Variants in CACNA1G observed in about 807,000 individuals in gnomAD.
The protein encoded by CACNA1G is voltage-dependent T-type calcium channel subunit alpha-1G.
CACNA1G carries 67 observed loss-of-function variants against 219.4 expected under a neutral mutation model. The observed-to-expected ratio is 0.31, with a 90% CI of 0.25 to 0.37. The LOEUF (loss-of-function observed/expected upper bound fraction) is 0.37. CACNA1G is among the 10% of genes least tolerant of loss of function. CACNA1G has a pLI of 1.00. For synonymous variants in CACNA1G, 1,296 were observed against 1,345.3 expected (o/e 0.96, Z 0.80); for missense variants, 2,380 against 3,231.4 (o/e 0.74, Z 6.39).
chr17:50,606,077 A>G (rs1464611242), intron 23 of CACNA1G, 54 bp downstream of exon 23: 4 of 1,612,540 alleles, frequency 2.5e-6, no homozygotes, highest in Admixed American at 1.7e-5. Context: ...GAGGGGGCAC[A>G]GGGCCATGCT....
rs1410615954 is a variant in CACNA1G at position 50,604,247 on chromosome 17, CCTT to C, written c.4267_4269del (p.Phe1423del). The C allele has an allele frequency of 6.2e-7, 1 of 1,613,702 alleles. No homozygotes were observed. The highest frequency in any genetic ancestry group is 8.5e-7 in the Non-Finnish European group (1 of 1,179,654). ...GGCAACATTGTAGTCATCTGCTGTG[CCTT>C]CTTCATCATTTTCGGCATCTTGGGG... On this transcript the variant is annotated inframe_deletion, in exon 22 of 38. Coordinates refer to ENST00000359106, the MANE Select transcript of CACNA1G (RefSeq NM_018896.5).
intron 4 of CACNA1G, 71 bp downstream of exon 4, chr17:50,569,874 C>T (rs1567965599): frequency 2.6e-6 from 3 of 1,175,356 alleles, no homozygotes; most frequent in East Asian, 2.6e-5. Context: ...CAGACCCCAC[C>T]TCTACTACTG....
chr17:50,595,101 C>A, intron 14 of CACNA1G, 40 bp downstream of exon 14: 2 of 1,481,136 alleles, frequency 1.4e-6, no homozygotes, highest in African/African-American at 1.4e-5. Context: ...TCCCGTGCCC[C>A]ATGCCCGTGC....
At chr17:50,574,702 A>G (rs1340076062) in intron 7 of CACNA1G, among the ~76,000 whole-genome samples, 1 of 152,188 alleles carries the variant, frequency 6.6e-6, no homozygotes, top group Non-Finnish European at 1.5e-5. Flanking sequence ...GAATCACACT[A>G]GTGAAGCTAA....
chr17:50,571,761 C>G lies in CACNA1G; in HGVS notation c.587-117C>G. The G allele has an allele frequency of 1.2e-5, 12 of 994,322 alleles. No individual in the cohort carries two copies. The highest frequency in any genetic ancestry group is 7.4e-5 in the South Asian group (5 of 68,010). 61.6% of individuals were successfully genotyped at this position (994,322 alleles called of 1,614,324 possible). A position where few individuals can be genotyped will look rare whatever the true frequency, so the allele number is the denominator to read the frequency against. On this transcript the variant is annotated intron_variant, in intron 4 of 37. Transcript: ENST00000359106. The surrounding 1 kb of genome is among the most constrained non-coding windows in gnomAD (Gnocchi z 4.3). Reference sequence around the variant, plus strand: ...CTGTTGGTCTCCCCTCCAGCTTGAGCCGGGCCGTCTCAGCCTCAGAGTCCC... The same window carrying G: ...CTGTTGGTCTCCCCTCCAGCTTGAGGCGGGCCGTCTCAGCCTCAGAGTCCC...
chr17:50,561,750 G>A, intron 1 of CACNA1G, 49 bp downstream of exon 1: 6 of 1,291,754 alleles, frequency 4.6e-6, no homozygotes, highest in Non-Finnish European at 6.0e-6. Flanking sequence ...AGGGGGACGG[G>A]CCGCACCGCC....
At position 50,603,424 on chromosome 17, in the gene CACNA1G, T is replaced by C. The variant is rs903298608; in HGVS notation, c.4169+225T>C. On this transcript the variant is annotated intron_variant, in intron 21 of 37. Transcript: ENST00000359106. This position sits in a 1 kb window ranked among gnomAD's most constrained non-coding sequence, Gnocchi z 6.4. ...TGCTTTCCTCCTCTTCAACATGACA[T>C]ATTCCTCAGGGCCGCTGCACCATGT... Among the ~76,000 whole-genome samples, 5 of 152,098 alleles carry C rather than the reference T, an allele frequency of 3.3e-5. No homozygotes were observed. The highest frequency in any genetic ancestry group is 1.2e-4 in the African/African-American group (5 of 41,410).
chr17:50,624,324 T>TCCCCCCCCCCCCCCCCCCCCGCCCC, intron 36 of CACNA1G, 36 bp from the exon 37 acceptor site: 2 of 1,177,662 alleles, frequency 1.7e-6, no homozygotes, highest in Non-Finnish European at 1.2e-6. Context: ...CTCCATTCTC[T>TCCCCCCCCCCCCCCCCCCCCGCCCC]CCCCCCACCC....
In CACNA1G at chr17:50,576,132, C is replaced by G. The variant is rs2040595479; in HGVS notation, c.1730C>G (p.Ser577Cys). ...CAGGCGCCCCCTCCCAGGTCCCCAT[C>G]TGAGGCATCCGGCAGGACTGTGGGC... Reference protein sequence around the residue: ...RCQAPPPRSPSEASGRTVGSG... With the variant: ...RCQAPPPRSPCEASGRTVGSG... Residue 577 changes from serine (S) to cysteine (C), a missense_variant, in exon 8 of 38, where the codon TCT (serine) becomes TGT (cysteine). By Grantham distance (112) the Ser-to-Cys change is moderately radical. Transcript: ENST00000359106. 6.2e-7 allele frequency: 1 copy of G among 1,605,674 alleles called. No individual in the cohort carries two copies. The highest frequency in any genetic ancestry group is 1.7e-5 in the Admixed American group (1 of 59,208).
intron 13 of CACNA1G, among the ~76,000 whole-genome samples, chr17:50,592,755 C>A (rs1254515535): frequency 1.3e-5 from 2 of 152,158 alleles, no homozygotes; most frequent in African/African-American, 4.8e-5. Context: ...CTCTTCCCAC[C>A]CGAGCCCCCA....
intron 9 of CACNA1G, among the ~76,000 whole-genome samples, chr17:50,589,119 C>T (rs2043619500): frequency 6.6e-6 from 1 of 152,196 alleles, no homozygotes; most frequent in Non-Finnish European, 1.5e-5. Context: ...TTTGTCCAGA[C>T]ATCCATCAGG....
At chr17:50,565,850 A>C (rs1185792525) in intron 1 of CACNA1G, among the ~76,000 whole-genome samples, 1 of 152,148 alleles carries the variant, frequency 6.6e-6, no homozygotes, top group African/African-American at 2.4e-5. Flanking sequence ...GAGGGATGGA[A>C]GTGGGGTTCC....
At chr17:50,604,856 C>T (rs181636725) in intron 22 of CACNA1G, among the ~76,000 whole-genome samples, 32 of 152,348 alleles carry the variant, frequency 2.1e-4, no homozygotes, top group African/African-American at 7.7e-4. Context: ...TCATAGTCTT[C>T]CAGGGCCCTT....
intron 9 of CACNA1G, among the ~76,000 whole-genome samples, chr17:50,585,960 G>A (rs909080240): frequency 1.3e-5 from 2 of 152,178 alleles, no homozygotes; most frequent in Non-Finnish European, 2.9e-5. Context: ...AAGCTGGGGC[G>A]ATGGCAGCTG....
In CACNA1G at chr17:50,596,568, G is replaced by A; in HGVS notation, c.2986G>A (p.Ala996Thr). 5 of 1,613,896 alleles carry A rather than the reference G, an allele frequency of 3.1e-6. No homozygotes were observed. The highest frequency in any genetic ancestry group is 4.2e-6 in the Non-Finnish European group (5 of 1,179,804). The change falls in exon 15 of 38, where the codon GCC becomes ACC. Residue 996 changes from alanine (A) to threonine (T), a missense_variant. Coordinates refer to ENST00000359106, the MANE Select transcript of CACNA1G (RefSeq NM_018896.5). The surrounding 1 kb of genome is among the most constrained non-coding windows in gnomAD (Gnocchi z 4.8). ...CGCTGCTCCCCTGCCCTAGGGAGAT[G>A]CCAACAAGTCCGAATCAGAGCCCGA... ...QLPVDSQGGD[A>T]NKSESEPDFF... is the part of the protein sequence containing the mutation.
Position 50,591,527 on chromosome 17 carries a change from C to G in CACNA1G, c.2546C>G (p.Pro849Arg), listed in dbSNP as rs1300706712. 6.2e-7 allele frequency: 1 copy of G among 1,611,792 alleles called. No individual in the cohort carries two copies. Among genetic ancestry groups the G allele is most frequent in the South Asian group, 1.1e-5 (1 of 90,592 alleles). ...MRVLKLVRFL[P>R]ALQRQLVVLM... ...GTGCTGAAGCTGGTGCGCTTCCTGC[C>G]GGCGCTGCAGCGGCAGCTGGTGGTG... The change falls in exon 11 of 38, where the codon CCG becomes CGG. Residue 849 changes from proline (P) to arginine (R), a missense_variant. By Grantham distance (103) the Pro-to-Arg change is moderately radical. Transcript: ENST00000359106.
At chr17:50,576,427 T>G in intron 8 of CACNA1G, 101 bp downstream of exon 8, 1 of 1,166,564 alleles carries the variant, frequency 8.6e-7, no homozygotes, top group Non-Finnish European at 1.2e-6. Flanking sequence ...CCAGGGCTTA[T>G]ATTCTCATGC....
At chr17:50,610,029 G>A (rs2048875478) in intron 26 of CACNA1G, 94 bp downstream of exon 26, 1 of 1,332,586 alleles carries the variant, frequency 7.5e-7, no homozygotes, top group African/African-American at 1.4e-5. Context: ...GGGTGAAAGG[G>A]TGAGGGTCCC....
chr17:50,626,125 T>A lies in CACNA1G; in HGVS notation c.6508T>A (p.Trp2170Arg). 6.2e-7 allele frequency: 1 copy of A among 1,613,716 alleles called. No individual in the cohort carries two copies. Among genetic ancestry groups the A allele is most frequent in the Non-Finnish European group, 8.5e-7 (1 of 1,179,848 alleles). ...GCCCCTGGCCCGGGCCTACTCTTTC[T>A]GGGGCCAGTCAAGTACCCAGGCACA... ...SPPLARAYSF[W>R]GQSSTQAQQH... Residue 2170 changes from tryptophan to arginine, a missense_variant, in exon 38 of 38, where the codon TGG becomes AGG. Trp to Arg is a moderately radical substitution (Grantham distance 101). Around this residue, in one of 17 missense-constraint regions of CACNA1G, gnomAD observed 672 missense variants for 670.5 expected, o/e 1.00. Coordinates refer to ENST00000359106, the MANE Select transcript of CACNA1G (RefSeq NM_018896.5). The surrounding 1 kb of genome is among the most constrained non-coding windows in gnomAD (Gnocchi z 4.3).
Sources: gnomAD v4.1 joint callset for allele counts (sites outside exome capture counted in the v4.1 genomes callset) on GRCh38, gnomAD v4.1.1 for gene constraint, gnomAD v4.1.1 regional missense constraint, Gnocchi (gnomAD v3.1) non-coding constraint, MANE v1.5 for transcripts, NCBI Gene and HGNC (gene_info 2026-07-23, HGNC 2026-07-21) for gene names.